TCF23: variants seen among roughly 807,000 people sequenced by gnomAD.
TCF23 encodes transcription factor 23, also known as class A basic helix-loop-helix protein 24.
In TCF23, 7 loss-of-function variants were observed where a neutral mutation model predicts 13.0. That is an observed-to-expected ratio of 0.54 (90% confidence interval 0.31 to 1.01). The LOEUF is 1.01. Among genes scored for constraint, TCF23 ranks in the 50% least tolerant of loss-of-function variants. The pLI is 0.06. For missense variants in TCF23, 257 were observed against 289.8 expected, an observed-to-expected ratio of 0.89 and a Z score of 0.82; for synonymous variants, 122 against 119.5, an observed-to-expected ratio of 1.02 and a Z score of -0.14.
chr2:27,149,432 T>G, intron 1 of TCF23, 77 bp downstream of exon 1: 1 of 1,353,400 alleles, frequency 7.4e-7, no homozygotes, highest in Non-Finnish European at 1.0e-6. Context: ...CCTCTGATGG[T>G]ACAGCCTCAC....
chr2:27,152,206 G>T (rs951661503), intron 2 of TCF23, among the ~76,000 whole-genome samples: 1 of 152,252 alleles, frequency 6.6e-6, no homozygotes, highest in African/African-American at 2.4e-5. Flanking sequence ...GGGGCAGTTG[G>T]CCAGGAAGCA....
At position 27,150,544 on chromosome 2, in the gene TCF23, C is replaced by G. The variant is rs1044665917; in HGVS notation, c.465+179C>G. 6.6e-6 allele frequency among the ~76,000 whole-genome samples: 1 copy of G among 152,140 alleles called. No homozygotes were observed. Among genetic ancestry groups the G allele is most frequent in the East Asian group, 1.9e-4 (1 of 5,184 alleles). On this transcript the variant is annotated intron_variant, in intron 2 of 2. Coordinates refer to ENST00000296096, the MANE Select transcript of TCF23 (RefSeq NM_175769.3). The surrounding 1 kb of genome is among the most constrained non-coding windows in gnomAD (Gnocchi z 4.1). ...GAGCCAAGGCTGACCCTTGGGGCTG[C>G]GCTGACCCTGGGTTTCTCATGGGAG...
In TCF23 at chr2:27,150,404, A is replaced by T. The variant is rs764159621; in HGVS notation, c.465+39A>T. ...CCTGGGACTTGAGAGGCGGATCTTA[A>T]TGCCCAGGGCCTTGGAGAAAGGGAT... On this transcript the variant is annotated intron_variant, in intron 2 of 2. Transcript: ENST00000296096. This position sits in a 1 kb window ranked among gnomAD's most constrained non-coding sequence, Gnocchi z 4.1. 1.2e-6 allele frequency: 2 copies of T among 1,602,446 alleles called. No homozygotes were observed. The highest frequency in any genetic ancestry group is 3.3e-5 in the Admixed American group (2 of 59,760).
chr2:27,149,355 G>T lies in TCF23; in HGVS notation c.222G>T (p.Arg74Ser). ...GTRAGGLALG[R>S]SEASPENAAR... The stretch of plus-strand genomic sequence containing the variant: ...GGGCTGGGGGCCTGGCTCTTGGCAG[G>T]GTAAGGAAATCCTGCACCTGCAGAG... The change falls in exon 1 of 3, where the codon AGG becomes AGT. Residue 74 changes from arginine to serine, a missense_variant and splice_region_variant. Coordinates refer to ENST00000296096, the MANE Select transcript of TCF23 (RefSeq NM_175769.3). 1 of 1,572,438 alleles carries T rather than the reference G, an allele frequency of 6.4e-7. No homozygotes were observed. The highest frequency in any genetic ancestry group is 1.2e-5 in the South Asian group (1 of 85,426).
In TCF23 at chr2:27,152,789, G is replaced by A. The variant is rs1205479748; in HGVS notation, c.567G>A (p.Glu189=). 1 of 1,614,162 alleles carries A rather than the reference G, an allele frequency of 6.2e-7. No homozygotes were observed. Among genetic ancestry groups the A allele is most frequent in the Non-Finnish European group, 8.5e-7 (1 of 1,180,018 alleles). The change falls in exon 3 of 3, where the codon GAG becomes GAA. Residue 189 remains glutamate, a synonymous_variant. Transcript: ENST00000296096. ...STPSQRTRDA[E]VGSQVPGEAD... ...CCAGCCAAAGAACAAGAGATGCAGA[G>A]GTGGGGTCCCAAGTCCCTGGAGAGG...
Position 27,149,375 on chromosome 2 carries a change from G to T in TCF23, c.222+20G>T, listed in dbSNP as rs1435425941. ...GGCAGGGTAAGGAAATCCTGCACCT[G>T]CAGAGGGGTCCAGGGGAGGAAGGGG... is the stretch of plus-strand genomic sequence containing the variant. On this transcript the variant is annotated intron_variant, in intron 1 of 2. Transcript: ENST00000296096. 6.4e-7 allele frequency: 1 copy of T among 1,558,590 alleles called. No homozygotes were observed. The highest frequency in any genetic ancestry group is 1.9e-5 in the Admixed American group (1 of 51,846).
In TCF23 at chr2:27,156,452, A is replaced by T. The variant is rs1434511244; in HGVS notation, c.*3585A>T. ...GAGCGCAGTGGCGTGATCTCGGCTC[A>T]CTGCAAGCTCCGCCTCCTGGGTTCA... On this transcript the variant is annotated 3_prime_UTR_variant, in exon 3 of 3. Coordinates refer to ENST00000296096, the MANE Select transcript of TCF23 (RefSeq NM_175769.3). The T allele has an allele frequency of 6.7e-6, 1 of 149,012 alleles. No individual in the cohort carries two copies. Among genetic ancestry groups the T allele is most frequent in the East Asian group, 2.1e-4 (1 of 4,832 alleles). The allele number at this position is 149,012 out of a possible 1,614,324, so 9.2% of individuals were successfully genotyped here.
chr2:27,149,029 T>C lies in TCF23; in HGVS notation c.-105T>C. On this transcript the variant is annotated 5_prime_UTR_variant, in exon 1 of 3. The change abolishes the stop of an existing upstream ORF in the 5' untranslated region. Transcript: ENST00000296096. ...GAGTTGGCGCCAGCTTCCTCGGATG[T>C]AGATATTGCTGGCTGGATGACCAGC... 1.8e-6 allele frequency: 2 copies of C among 1,109,660 alleles called. No individual in the cohort carries two copies. The highest frequency in any genetic ancestry group is 1.6e-5 in the African/African-American group (1 of 63,862). 68.7% of individuals were successfully genotyped at this position (1,109,660 alleles called of 1,614,324 possible).
rs939659607 is a variant in TCF23 at position 27,156,180 on chromosome 2, G to C, written c.*3313G>C. On this transcript the variant is annotated 3_prime_UTR_variant, in exon 3 of 3. Coordinates refer to ENST00000296096, the MANE Select transcript of TCF23 (RefSeq NM_175769.3). ...TGTCTCTACTAAAAATACGAAATTAGCTGGGTGTGGTGGCACATGCCTATA... is the reference window on the plus strand; with the variant it reads ...TGTCTCTACTAAAAATACGAAATTACCTGGGTGTGGTGGCACATGCCTATA... 4 of 152,024 alleles carry C rather than the reference G, an allele frequency of 2.6e-5. No homozygotes were observed. Among genetic ancestry groups the C allele is most frequent in the Non-Finnish European group, 4.4e-5 (3 of 68,064 alleles). The allele number at this position is 152,024 out of a possible 1,614,324, so 9.4% of individuals were successfully genotyped here. A position where few individuals can be genotyped will look rare whatever the true frequency, so the allele number is the denominator to read the frequency against.
At position 27,154,770 on chromosome 2, in the gene TCF23, C is replaced by T. The variant is rs974937935; in HGVS notation, c.*1903C>T. The T allele has an allele frequency of 2.0e-5, 3 of 152,558 alleles. No homozygotes were observed. Among genetic ancestry groups the T allele is most frequent in the African/African-American group, 7.2e-5 (3 of 41,458 alleles). 9.5% of individuals were successfully genotyped at this position (152,558 alleles called of 1,614,324 possible). A position where few individuals can be genotyped will look rare whatever the true frequency, so the allele number is the denominator to read the frequency against. ...GAGGGCATGAGCACAGTGTTCTTCA[C>T]AAGACCATAAAAGTCCAGCTAGAAT... On this transcript the variant is annotated 3_prime_UTR_variant, in exon 3 of 3. Coordinates refer to ENST00000296096, the MANE Select transcript of TCF23 (RefSeq NM_175769.3).
In TCF23 at chr2:27,150,490, C is replaced by T. The variant is rs555951401; in HGVS notation, c.465+125C>T. The stretch of plus-strand genomic sequence containing the variant: ...CCCTGTGCAGAACTGACGTCGGAGC[C>T]AATTTCTCCTGCTGTCTCAGAGGGA... On this transcript the variant is annotated intron_variant, in intron 2 of 2. Transcript: ENST00000296096. The surrounding 1 kb of genome is among the most constrained non-coding windows in gnomAD (Gnocchi z 4.1). 6.8e-7 allele frequency: 1 copy of T among 1,475,846 alleles called. No homozygotes were observed. Among genetic ancestry groups the T allele is most frequent in the African/African-American group, 1.4e-5 (1 of 71,486 alleles). The allele number at this position is 1,475,846 out of a possible 1,614,324, so 91.4% of individuals were successfully genotyped here. A position where few individuals can be genotyped will look rare whatever the true frequency, so the allele number is the denominator to read the frequency against.
chr2:27,149,608 T>G, intron 1 of TCF23: 2 of 644,536 alleles, frequency 3.1e-6, no homozygotes, highest in South Asian at 1.5e-5. Context: ...GGAAGAGGGA[T>G]GTGAATTTCC....
chr2:27,156,931 C>A lies in TCF23; in HGVS notation c.*4064C>A, dbSNP rs1267180367. The A allele has an allele frequency of 6.6e-6, 1 of 152,284 alleles. No homozygotes were observed. The highest frequency in any genetic ancestry group is 1.5e-5 in the Non-Finnish European group (1 of 68,072). 9.4% of individuals were successfully genotyped at this position (152,284 alleles called of 1,614,324 possible). A position where few individuals can be genotyped will look rare whatever the true frequency, so the allele number is the denominator to read the frequency against. ...ATGGCCAGTGGGCCAAACCCAGCCC[C>A]CCATGTATTTTTGTAAATAAAGTTT... On this transcript the variant is annotated 3_prime_UTR_variant, in exon 3 of 3. Coordinates refer to ENST00000296096, the MANE Select transcript of TCF23 (RefSeq NM_175769.3).
Position 27,156,767 on chromosome 2 carries a change from C to G in TCF23, c.*3900C>G, listed in dbSNP as rs1672842906. ...AGAGAAGTAGAGGATCTAGCCTTCT[C>G]TGAGACTCCTTTTCTCTTCCTCTGG... On this transcript the variant is annotated 3_prime_UTR_variant, in exon 3 of 3. Transcript: ENST00000296096. 6.6e-6 allele frequency: 1 copy of G among 152,244 alleles called. No individual in the cohort carries two copies. The highest frequency in any genetic ancestry group is 1.5e-5 in the Non-Finnish European group (1 of 68,068). The allele number at this position is 152,244 out of a possible 1,614,324, so 9.4% of individuals were successfully genotyped here.
rs1459796102 is a variant in TCF23 at position 27,152,915 on chromosome 2, C to T, written c.*48C>T. On this transcript the variant is annotated 3_prime_UTR_variant, in exon 3 of 3. Coordinates refer to ENST00000296096, the MANE Select transcript of TCF23 (RefSeq NM_175769.3). ...CTAGACTGTGACTCATGCTTATGGG[C>T]CTGGATTTTCTACCAGCCCCCAGAT... is the stretch of plus-strand genomic sequence containing the variant. The T allele has an allele frequency of 2.6e-6, 4 of 1,564,304 alleles. No homozygotes were observed. Among genetic ancestry groups the T allele is most frequent in the Non-Finnish European group, 2.6e-6 (3 of 1,152,536 alleles).
rs1672783534 is a variant in TCF23 at position 27,152,949 on chromosome 2, A to G, written c.*82A>G. The G allele has an allele frequency of 8.4e-6, 13 of 1,548,786 alleles. No homozygotes were observed. Among genetic ancestry groups the G allele is most frequent in the Non-Finnish European group, 1.1e-5 (13 of 1,147,410 alleles). ...TCTACCAGCCCCCAGATTCTCAGCC[A>G]TCAGACTTGACTCAGACTCAGCTCC... On this transcript the variant is annotated 3_prime_UTR_variant, in exon 3 of 3. Coordinates refer to ENST00000296096, the MANE Select transcript of TCF23 (RefSeq NM_175769.3).
chr2:27,150,867 G>A lies in TCF23; in HGVS notation c.465+502G>A, dbSNP rs772008594. On this transcript the variant is annotated intron_variant, in intron 2 of 2. Transcript: ENST00000296096. The surrounding 1 kb of genome is among the most constrained non-coding windows in gnomAD (Gnocchi z 4.1). ...TAGCAGGCAGCAGTACAGGGAAGGC[G>A]CGCACCACTTGCCAGACTGCAATCT... 8.5e-5 allele frequency among the ~76,000 whole-genome samples: 13 copies of A among 152,230 alleles called. No individual in the cohort carries two copies. Among genetic ancestry groups the A allele is most frequent in the Middle Eastern group, 3.4e-3 (1 of 294 alleles).
In TCF23 at chr2:27,156,355, G is replaced by A. The variant is rs1672835785; in HGVS notation, c.*3488G>A. 1 of 151,160 alleles carries A rather than the reference G, an allele frequency of 6.6e-6. No homozygotes were observed. The highest frequency in any genetic ancestry group is 1.5e-5 in the Non-Finnish European group (1 of 67,984). The allele number at this position is 151,160 out of a possible 1,614,324, so 9.4% of individuals were successfully genotyped here. On this transcript the variant is annotated 3_prime_UTR_variant, in exon 3 of 3. Transcript: ENST00000296096. ...AAAAAAAAAAAATGCGGCTGTGGGAGAAGCAGAGCTGGCCCAGTGATTTCT... is the reference window on the plus strand; with the variant it reads ...AAAAAAAAAAAATGCGGCTGTGGGAAAAGCAGAGCTGGCCCAGTGATTTCT...
In TCF23 at chr2:27,150,446, A is replaced by T; in HGVS notation, c.465+81A>T. 1 of 1,567,736 alleles carries T rather than the reference A, an allele frequency of 6.4e-7. No individual in the cohort carries two copies. The highest frequency in any genetic ancestry group is 8.7e-7 in the Non-Finnish European group (1 of 1,151,690). On this transcript the variant is annotated intron_variant, in intron 2 of 2. Coordinates refer to ENST00000296096, the MANE Select transcript of TCF23 (RefSeq NM_175769.3). The surrounding 1 kb of genome is among the most constrained non-coding windows in gnomAD (Gnocchi z 4.1). ...GAAAGGGATTGGAATGAGGGGGGAC[A>T]TTGGACTTGGGCCCCCTGCCCTGTG...
Sources: allele counts gnomAD v4.1 joint callset (sites outside exome capture counted in the v4.1 genomes callset), GRCh38; gene constraint gnomAD v4.1.1; non-coding constraint Gnocchi (gnomAD v3.1); transcripts MANE v1.5; gene names NCBI Gene and HGNC (gene_info 2026-07-23, HGNC 2026-07-21).